The following MYO5A variants were observed in gnomAD, a reference collection of about 807,000 sequenced individuals.
MYO5A encodes the protein myosin VA, also known as unconventional myosin-Va.
In MYO5A, 98 loss-of-function variants were observed where a neutral mutation model predicts 249.7. The ratio of observed to expected loss-of-function variants is 0.39; its 90% CI spans 0.33 to 0.46. The LOEUF is 0.46. Ranked by LOEUF, MYO5A falls within the 20% of genes least tolerant of loss-of-function variation. The pLI, the probability that MYO5A is intolerant of heterozygous loss-of-function variation, is 0.98. For missense variants in MYO5A, 1,696 were observed against 2,308.8 expected, an observed-to-expected ratio of 0.73 and a Z score of 5.44; for synonymous variants, 778 against 810.6, an observed-to-expected ratio of 0.96 and a Z score of 0.68.
intron 37 of MYO5A, among the ~76,000 whole-genome samples, chr15:52,322,136 C>T (rs1215180873): frequency 1.3e-5 from 2 of 152,244 alleles, no homozygotes; most frequent in Admixed American, 6.5e-5. Context: ...CCTGATGCTA[C>T]GTGATAAAGG....
At chr15:52,352,617 TAA>T (rs1051471168) in intron 27 of MYO5A, among the ~76,000 whole-genome samples, 4 of 151,630 alleles carry the variant, frequency 2.6e-5, no homozygotes, top group African/African-American at 9.7e-5. Context: ...CCGTCTCTAC[TAA>T]AAAAATACAA....
intron 5 of MYO5A, among the ~76,000 whole-genome samples, chr15:52,413,253 A>C (rs1400937626): frequency 1.3e-5 from 2 of 151,890 alleles, no homozygotes; most frequent in Non-Finnish European, 2.9e-5. Context: ...GTTTGAGCCC[A>C]GTAGTTCATT....
intron 1 of MYO5A, among the ~76,000 whole-genome samples, chr15:52,471,619 A>ACACACACACACACACC (rs773132992): frequency 4.7e-5 from 7 of 149,186 alleles, no homozygotes; most frequent in African/African-American, 9.9e-5. Flanking sequence ...ACACACACAC[A>ACACACACACACACACC]CCCCAAACAA....
rs958455380 is a variant in MYO5A, at chr15:52,372,150, G to T, written c.2791C>A (p.Gln931Lys). The part of the protein sequence containing the change: ...LHIGMENKIM[Q>K]LQRKVDEQNK... ...TGCTCATCAACTTTGCGCTGCAGCT[G>T]CATGATCTTGTTCTCCATGCCGATG... Residue 931 changes from glutamine to lysine, a missense_variant, in exon 21 of 42, where the codon CAG becomes AAG. Physicochemically the swap from Gln to Lys is moderately conservative, Grantham distance 53. Transcript: ENST00000399233. The T allele has an allele frequency of 2.5e-6, 4 of 1,613,580 alleles. No homozygotes were observed. Among genetic ancestry groups the T allele is most frequent in the Admixed American group, 3.3e-5 (2 of 60,002 alleles).
At chr15:52,448,423 C>G (rs546770933) in intron 1 of MYO5A, among the ~76,000 whole-genome samples, 1 of 152,120 alleles carries the variant, frequency 6.6e-6, no homozygotes, top group Admixed American at 6.5e-5. Flanking sequence ...AAGTAACTAA[C>G]TTGTTTTTTA....
At chr15:52,419,863 G>A (rs1266627223) in intron 4 of MYO5A, among the ~76,000 whole-genome samples, 1 of 152,144 alleles carries the variant, frequency 6.6e-6, no homozygotes, top group East Asian at 1.9e-4. Context: ...AATATATACT[G>A]TATTTTATTC....
intron 1 of MYO5A, among the ~76,000 whole-genome samples, chr15:52,471,490 T>C (rs2076467951): frequency 6.6e-6 from 1 of 151,548 alleles, no homozygotes; most frequent in South Asian, 2.1e-4. Context: ...CATGGTAGTG[T>C]GCACCTGTAG....
chr15:52,493,291 A>G (rs1439069328), intron 1 of MYO5A, among the ~76,000 whole-genome samples: 1 of 151,086 alleles, frequency 6.6e-6, no homozygotes, highest in African/African-American at 2.4e-5. Context: ...TTAATTCCAG[A>G]GCTATAAAAT....
intron 25 of MYO5A, 73 bp from the exon 26 acceptor site, chr15:52,354,087 AGCTC>A: frequency 1.3e-6 from 2 of 1,561,944 alleles, no homozygotes; most frequent in South Asian, 2.3e-5. Context: ...AATGACAAAC[AGCTC>A]AATGGAAAAA....
intron 34 of MYO5A, among the ~76,000 whole-genome samples, chr15:52,333,413 T>C (rs778721528): frequency 6.6e-6 from 1 of 152,196 alleles, no homozygotes; most frequent in African/African-American, 2.4e-5. Context: ...AAGTAGAAGA[T>C]TTCTGTGGGA....
chr15:52,413,870 C>A (rs1210825647), intron 5 of MYO5A, among the ~76,000 whole-genome samples: 1 of 152,110 alleles, frequency 6.6e-6, no homozygotes, highest in Non-Finnish European at 1.5e-5. Context: ...CATAGCTGAT[C>A]CCTTTATCTT....
chr15:52,396,239 A>G, intron 11 of MYO5A, 77 bp downstream of exon 11: 1 of 892,848 alleles, frequency 1.1e-6, no homozygotes, highest in Non-Finnish European at 1.8e-6. Context: ...CATTCCAGGG[A>G]TAAGCTTTTA....
At chr15:52,360,263 G>C (rs927892363) in intron 24 of MYO5A, among the ~76,000 whole-genome samples, 182 bp from the exon 25 acceptor site, 1 of 152,172 alleles carries the variant, frequency 6.6e-6, no homozygotes, top group Non-Finnish European at 1.5e-5. Context: ...AAAGAAAAAG[G>C]TACACTGGCA....
intron 1 of MYO5A, among the ~76,000 whole-genome samples, chr15:52,483,888 A>G (rs766508062): frequency 1.3e-5 from 2 of 152,206 alleles, no homozygotes; most frequent in East Asian, 1.9e-4. Flanking sequence ...GTGGAAATGA[A>G]TCATTCTGAC....
At chr15:52,428,256 A>T (rs2075440952) in intron 3 of MYO5A, 142 bp downstream of exon 3, 1 of 868,234 alleles carries the variant, frequency 1.2e-6, no homozygotes, top group Non-Finnish European at 1.9e-6. Flanking sequence ...CAACTTGGTA[A>T]ATCTTTCTGA....
intron 1 of MYO5A, among the ~76,000 whole-genome samples, chr15:52,497,973 T>A (rs1053685013): frequency 1.3e-5 from 2 of 152,006 alleles, no homozygotes; most frequent in African/African-American, 4.8e-5. Flanking sequence ...GAAATTTACA[T>A]CCTTAAATCA....
At chr15:52,382,415 T>C (rs2041792436) in intron 16 of MYO5A, among the ~76,000 whole-genome samples, 1 of 151,744 alleles carries the variant, frequency 6.6e-6, no homozygotes, top group African/African-American at 2.4e-5. Context: ...CTACTAAAAA[T>C]AGAAAATTAG....
chr15:52,439,373 C>A (rs1475453141), intron 1 of MYO5A, among the ~76,000 whole-genome samples: 2 of 152,188 alleles, frequency 1.3e-5, no homozygotes, highest in African/African-American at 4.8e-5. Context: ...AGATCTAGTC[C>A]CTCATTATCT....
At position 52,321,305 on chromosome 15, in the gene MYO5A, C is replaced by T. The variant is rs16964891; in HGVS notation, c.4951+54G>A. The T allele has an allele frequency of 0.023, 37,267 of 1,609,718 alleles. 4,419 individuals are homozygous for T. In the African/African-American group the frequency reaches 0.33, roughly 14 times the overall value. ...ACATGTGCCACTGGTGGCTACTTAT[C>T]GATGGGCATGAATGATAGGCAGGCT... On this transcript the variant is annotated intron_variant, in intron 38 of 41. Coordinates refer to ENST00000399233, the MANE Select transcript of MYO5A (RefSeq NM_001382347.1).
Sources: gnomAD v4.1 joint callset for allele counts (sites outside exome capture counted in the v4.1 genomes callset) on GRCh38, gnomAD v4.1.1 for gene constraint, MANE v1.5 for transcripts, NCBI Gene and HGNC (gene_info 2026-07-23, HGNC 2026-07-21) for gene names.